The following MACF1 variants were observed in gnomAD, a reference collection of about 807,000 sequenced individuals.
MACF1 encodes the protein microtubule actin crosslinking factor 1.
In MACF1, 193 loss-of-function variants were observed where a neutral mutation model predicts 854.8. That is an observed-to-expected ratio of 0.23 (90% CI 0.20 to 0.25). The LOEUF (loss-of-function observed/expected upper bound fraction) is 0.25, where lower values mean the gene tolerates loss of function less well. Ranked by LOEUF, MACF1 falls within the 10% of genes least tolerant of loss-of-function variation. The probability of loss-of-function intolerance (pLI) is 1.00; values close to 1 mark genes in which losing one functional copy is unlikely to be tolerated. For synonymous variants in MACF1, 3,185 were observed against 3,226.7 expected (o/e 0.99, Z 0.44); for missense variants, 7,722 against 8,929.1 (o/e 0.86, Z 5.45).
At chr1:39,300,445 A>G in intron 22 of MACF1, 83 bp downstream of exon 22, 1 of 1,352,836 alleles carries the variant, frequency 7.4e-7, no homozygotes, top group Non-Finnish European at 9.9e-7. Flanking sequence ...ATGATGATAA[A>G]AGATCAAATT....
rs1319295517 is a variant in MACF1 at position 39,378,468 on chromosome 1, A to G, written c.13221A>G (p.Ile4407Met). ...CCCTGTCCTTCTGCTCAGGTTCCAT[A>G]CTGCCCTCTGTAGGAAGCTCTGTAG... ...APDSQGKTGS[I>M]LPSVGSSVGS... Residue 4407 changes from isoleucine (I) to methionine (M), a missense_variant, in exon 53 of 101, where the codon ATA becomes ATG. Around this residue, in one of 15 missense-constraint regions of MACF1, gnomAD observed 2,807 missense variants for 3,235.8 expected, o/e 0.87. Coordinates refer to ENST00000564288, the MANE Select transcript of MACF1 (RefSeq NM_001394062.1). 1 of 1,613,810 alleles carries G rather than the reference A, an allele frequency of 6.2e-7. No homozygotes were observed. The highest frequency in any genetic ancestry group is 8.5e-7 in the Non-Finnish European group (1 of 1,179,808).
intron 80 of MACF1, among the ~76,000 whole-genome samples, chr1:39,445,917 GC>G (rs1489188679): frequency 6.9e-6 from 1 of 144,974 alleles, no homozygotes; most frequent in African/African-American, 2.4e-5. Flanking sequence ...CAGTGATGGT[GC>G]CCCTGCATTC....
intron 23 of MACF1, among the ~76,000 whole-genome samples, chr1:39,303,902 T>C (rs1005089651): frequency 2.6e-5 from 4 of 151,840 alleles, no homozygotes; most frequent in African/African-American, 9.7e-5. Context: ...TTGATTTTTT[T>C]CTGGGTCATT....
intron 58 of MACF1, among the ~76,000 whole-genome samples, chr1:39,406,738 C>CAAAAAA (rs5773658): frequency 1.6e-4 from 5 of 31,668 alleles, no homozygotes; most frequent in East Asian, 1.0e-3. Flanking sequence ...GAGTCTCACT[C>CAAAAAA]AAAAAAAAAA....
intron 58 of MACF1, chr1:39,412,385 G>A: frequency 6.2e-7 from 1 of 1,614,038 alleles, no homozygotes; most frequent in Middle Eastern, 1.6e-4. Flanking sequence ...GTGGTCACTT[G>A]TGAATTGTCT....
In MACF1 at chr1:39,368,224, G is replaced by T; in HGVS notation, c.12848G>T (p.Cys4283Phe). ...CACCTGGTCACTGAACTGAGCTCTT[G>T]TGGCTTTGCGCTGGACTTGTGCCAG... ...LEHLVTELSS[C>F]GFALDLCQHQ... Residue 4283 changes from cysteine (C) to phenylalanine (F), a missense_variant, in exon 50 of 101, where the codon TGT (cysteine) becomes TTT (phenylalanine). Transcript: ENST00000564288. 1 of 1,614,132 alleles carries T rather than the reference G, an allele frequency of 6.2e-7. No individual in the cohort carries two copies. The highest frequency in any genetic ancestry group is 8.5e-7 in the Non-Finnish European group (1 of 1,180,006).
intron 1 of MACF1, among the ~76,000 whole-genome samples, chr1:39,214,874 G>A (rs1251038638): frequency 6.6e-6 from 1 of 152,138 alleles, no homozygotes; most frequent in Non-Finnish European, 1.5e-5. Context: ...CAAGTTGTTG[G>A]GCAATGGATG....
chr1:39,088,290 T>C (rs1641726424), intron 2 of MACF1, among the ~76,000 whole-genome samples: 1 of 151,934 alleles, frequency 6.6e-6, no homozygotes, highest in Admixed American at 6.6e-5. Context: ...GGTTTCACCA[T>C]GTTGGTCAGG....
At chr1:39,427,353 A>G in intron 61 of MACF1, 102 bp from the exon 62 acceptor site, 1 of 1,009,670 alleles carries the variant, frequency 9.9e-7, no homozygotes, top group Non-Finnish European at 1.5e-6. Context: ...ATTGGTATTT[A>G]AACTATACCT....
intron 2 of MACF1, among the ~76,000 whole-genome samples, chr1:39,197,940 A>G (rs1205257889): frequency 6.6e-6 from 1 of 152,136 alleles, no homozygotes; most frequent in Admixed American, 6.5e-5. Flanking sequence ...GCTCATGTCT[A>G]TAATCCCTGC....
At position 39,430,065 on chromosome 1, in the gene MACF1, G is replaced by A; in HGVS notation, c.17127G>A (p.Gln5709=). The change falls in exon 65 of 101, where the codon CAG becomes CAA. Residue 5709 remains glutamine, a synonymous_variant. Coordinates refer to ENST00000564288, the MANE Select transcript of MACF1 (RefSeq NM_001394062.1). ...GEQIPQFQQR[Q]KELKKEVMEH... ...AGATACCCCAGTTTCAGCAGAGACA[G>A]AAGGTGAGCTGTTACTTTACCATAA... 6.2e-7 allele frequency: 1 copy of A among 1,613,052 alleles called. No homozygotes were observed.
At chr1:39,411,320 A>T in intron 58 of MACF1, 1 of 1,614,084 alleles carries the variant, frequency 6.2e-7, no homozygotes. Context: ...CTGATGGCAG[A>T]TGAGAAGAAC....
At chr1:39,458,143 C>T in intron 89 of MACF1, 1 of 463,014 alleles carries the variant, frequency 2.2e-6, no homozygotes, top group Admixed American at 3.4e-5. Flanking sequence ...AACTCAATCA[C>T]ATCCCGTTAG....
chr1:39,373,005 T>A, intron 52 of MACF1: 1 of 202,904 alleles, frequency 4.9e-6, no homozygotes, highest in Non-Finnish European at 9.8e-6. Context: ...ACCCCATCTC[T>A]ACTAAAAATA....
chr1:39,413,985 G>A (rs970981985), intron 58 of MACF1: 1 of 1,606,760 alleles, frequency 6.2e-7, no homozygotes, highest in Middle Eastern at 1.7e-4. Flanking sequence ...ACCCAGAGGA[G>A]CCCACCTCCC....
At chr1:39,426,166 C>A (rs1401431024) in intron 61 of MACF1, among the ~76,000 whole-genome samples, 1 of 151,994 alleles carries the variant, frequency 6.6e-6, no homozygotes, top group East Asian at 1.9e-4. Context: ...GTTTTAGTTG[C>A]ATTACTTGAA....
At chr1:39,399,477 C>T (rs1471718152) in intron 58 of MACF1, among the ~76,000 whole-genome samples, 2 of 145,394 alleles carry the variant, frequency 1.4e-5, no homozygotes, top group African/African-American at 2.6e-5. Flanking sequence ...CAGGTTCAAG[C>T]GATTCTCTTG....
In MACF1 at chr1:39,182,271, G is replaced by A. The variant is rs988484829; in HGVS notation, c.221-48911G>A. Among the ~76,000 whole-genome samples, 3 of 151,994 alleles carry A rather than the reference G, an allele frequency of 2.0e-5. No homozygotes were observed. The East Asian group carries it at 5.8e-4, about 29-fold the overall frequency. On this transcript the variant is annotated intron_variant, in intron 2 of 93. Transcript: ENST00000361689. ...TACAAAACTATTAGAAGAAAACTTA[G>A]GGGTAAATCTTTGTGACCTTGGATT...
At chr1:39,192,581 A>G (rs1322829697) in intron 2 of MACF1, among the ~76,000 whole-genome samples, 1 of 152,228 alleles carries the variant, frequency 6.6e-6, no homozygotes, top group Non-Finnish European at 1.5e-5. Flanking sequence ...AACTTGTATA[A>G]TGAAAGTTCC....
Sources: gnomAD v4.1 joint callset for allele counts (sites outside exome capture counted in the v4.1 genomes callset) on GRCh38, gnomAD v4.1.1 for gene constraint, gnomAD v4.1.1 regional missense constraint, MANE v1.5 for transcripts, NCBI Gene and HGNC (gene_info 2026-07-23, HGNC 2026-07-21) for gene names.